The following SLC45A4 variants were observed in gnomAD, a reference collection of about 807,000 sequenced individuals.
SLC45A4 encodes polyamine-transporter SLC45A4.
In SLC45A4, 32 loss-of-function variants were observed where a neutral mutation model predicts 63.7. That is an observed-to-expected ratio of 0.50 (90% CI 0.38 to 0.67). The LOEUF (loss-of-function observed/expected upper bound fraction) is 0.67, where lower values mean the gene tolerates loss of function less well. SLC45A4 is among the 30% of genes least tolerant of loss of function. SLC45A4 has a pLI of 0.00. For missense variants in SLC45A4, 1,027 were observed against 1,157.7 expected (o/e 0.89, Z 1.64); for synonymous variants, 535 against 510.0 (o/e 1.05, Z -0.66).
At position 141,221,620 on chromosome 8, in the gene SLC45A4, G is replaced by A. The variant is rs750572232; in HGVS notation, c.387C>T (p.Gly129=). The change falls in exon 3 of 9, where the codon GGC becomes GGT. Residue 129 remains glycine, a synonymous_variant. Transcript: ENST00000517878. ...RRPFILALCV[G]VLFGVALFLN... ...GGAAAAGTGCAACGCCAAAGAGGAC[G>A]CCAACGCAGAGGGCGAGGATGAAGG... 2.7e-5 allele frequency: 44 copies of A among 1,613,802 alleles called. No individual in the cohort carries two copies. The East Asian group carries it at 5.1e-4, about 19-fold the overall frequency.
At chr8:141,274,185 C>T (rs933807456) in intron 1 of SLC45A4, among the ~76,000 whole-genome samples, 1 of 151,138 alleles carries the variant, frequency 6.6e-6, no homozygotes, top group African/African-American at 2.4e-5. Context: ...GCCGAGATCA[C>T]GCCACTGCGC....
At chr8:141,294,407 C>G (rs1830468826) in intron 1 of SLC45A4, among the ~76,000 whole-genome samples, 1 of 152,262 alleles carries the variant, frequency 6.6e-6, no homozygotes, top group African/African-American at 2.4e-5. Flanking sequence ...AGAGGCAGCC[C>G]TGACCCCAGC....
intron 3 of SLC45A4, 140 bp downstream of exon 3, chr8:141,221,437 G>T: frequency 9.2e-7 from 1 of 1,089,696 alleles, no homozygotes; most frequent in Non-Finnish European, 1.3e-6. Context: ...GTCACCGCCA[G>T]GGTGGCCCCG....
rs946795370 is a variant in SLC45A4 at position 141,267,900 on chromosome 8, T to C, written c.-400-13271A>G. ...GCAGCAACCACTTCGAAAGACGGTT[T>C]GCCCATTTTCACAAAACCAGACATA... On this transcript the variant is annotated intron_variant, in intron 1 of 8. Coordinates refer to ENST00000517878, the MANE Select transcript of SLC45A4 (RefSeq NM_001286646.2). 2.6e-5 allele frequency among the ~76,000 whole-genome samples: 4 copies of C among 152,342 alleles called. No homozygotes were observed. The East Asian group carries it at 7.7e-4, about 29-fold the overall frequency.
At chr8:141,273,412 G>T (rs1020219899) in intron 1 of SLC45A4, among the ~76,000 whole-genome samples, 3 of 152,198 alleles carry the variant, frequency 2.0e-5, no homozygotes, top group African/African-American at 4.8e-5. Context: ...TCAAGCGCCA[G>T]TATCAACCTG....
chr8:141,216,008 G>A (rs1383649179), intron 6 of SLC45A4, 38 bp from the exon 7 acceptor site: 2 of 1,585,188 alleles, frequency 1.3e-6, no homozygotes, highest in South Asian at 1.1e-5. Context: ...CAGTGGGCAG[G>A]CGGCTGGCTC....
intron 1 of SLC45A4, among the ~76,000 whole-genome samples, chr8:141,299,088 C>T (rs1589866416): frequency 6.6e-6 from 1 of 152,140 alleles, no homozygotes; most frequent in South Asian, 2.1e-4. Flanking sequence ...TGCTGTGACC[C>T]CTTCTCAGGC....
rs776589377 is a variant in SLC45A4 at position 141,254,703 on chromosome 8, A to AC, written c.-400-75dup. The AC allele has an allele frequency of 2.6e-5, 18 of 691,474 alleles. No individual in the cohort carries two copies. Among genetic ancestry groups the AC allele is most frequent in the South Asian group, 1.8e-4 (12 of 66,600 alleles). 42.8% of individuals were successfully genotyped at this position (691,474 alleles called of 1,614,324 possible). ...AGATGGCCCTGTGGACCGCCGCCCG[A>AC]CCCCCGAGCAAGCCGTGTGCCCCGA... On this transcript the variant is annotated intron_variant, in intron 1 of 8. Coordinates refer to ENST00000517878, the MANE Select transcript of SLC45A4 (RefSeq NM_001286646.2). The surrounding 1 kb of genome is among the most constrained non-coding windows in gnomAD (Gnocchi z 4.5).
At chr8:141,235,354 G>A (rs113455452) in intron 2 of SLC45A4, among the ~76,000 whole-genome samples, 3,463 of 152,306 alleles carry the variant, frequency 0.023, 74 homozygotes, top group East Asian at 0.1. Flanking sequence ...AGGGCACAGC[G>A]GGTGTGTCTG....
chr8:141,221,683 C>T lies in SLC45A4; in HGVS notation c.324G>A (p.Ala108=), dbSNP rs772627633. 17 of 1,613,982 alleles carry T rather than the reference C, an allele frequency of 1.1e-5. No homozygotes were observed. The highest frequency in any genetic ancestry group is 2.2e-5 in the South Asian group (2 of 91,092). The change falls in exon 3 of 9, where the codon GCG becomes GCA. Residue 108 remains alanine (A), a synonymous_variant. Coordinates refer to ENST00000517878, the MANE Select transcript of SLC45A4 (RefSeq NM_001286646.2). ...GLIFTPLIGS[A]SDRCTLSWGR... Reference sequence around the variant, plus strand: ...CCCAGCTCAGGGTGCACCGGTCACTCGCAGACCCAATGAGAGGTGTGAAGA... The same window carrying T: ...CCCAGCTCAGGGTGCACCGGTCACTTGCAGACCCAATGAGAGGTGTGAAGA...
chr8:141,228,637 G>A, intron 2 of SLC45A4: 11 of 1,066,886 alleles, frequency 1.0e-5, no homozygotes, highest in Non-Finnish European at 1.3e-5. Flanking sequence ...TCTTTGTGAT[G>A]ACACAGTGAT....
At chr8:141,246,618 T>A (rs1443102699) in intron 2 of SLC45A4, among the ~76,000 whole-genome samples, 1 of 15,524 alleles carries the variant, frequency 6.4e-5, no homozygotes, top group Non-Finnish European at 1.7e-4. Flanking sequence ...GGGAGGGCAT[T>A]GCACAAGGCC....
At chr8:141,264,680 T>C (rs1035770281) in intron 1 of SLC45A4, among the ~76,000 whole-genome samples, 4 of 152,334 alleles carry the variant, frequency 2.6e-5, no homozygotes, top group South Asian at 2.1e-4. Flanking sequence ...ACAGCGCTCC[T>C]GCACCTGTCC....
chr8:141,242,795 G>A (rs1436698859), intron 2 of SLC45A4, among the ~76,000 whole-genome samples: 1 of 152,104 alleles, frequency 6.6e-6, no homozygotes, highest in Non-Finnish European at 1.5e-5. Context: ...GAGGCCACAC[G>A]TTGGGGGAGC....
chr8:141,306,395 C>G (rs1328548378), intron 1 of SLC45A4, among the ~76,000 whole-genome samples: 1 of 152,262 alleles, frequency 6.6e-6, no homozygotes, highest in African/African-American at 2.4e-5. Flanking sequence ...TCTAGAAACA[C>G]ATGAGTTCTT....
chr8:141,284,637 T>C (rs1269978325), intron 1 of SLC45A4, among the ~76,000 whole-genome samples: 2 of 152,168 alleles, frequency 1.3e-5, no homozygotes, highest in East Asian at 3.9e-4. Flanking sequence ...AAAAGATCAC[T>C]AGATCCAAAA....
chr8:141,244,968 G>GC (rs58208412), intron 2 of SLC45A4, among the ~76,000 whole-genome samples: 3 of 71,928 alleles, frequency 4.2e-5, no homozygotes, highest in Middle Eastern at 8.2e-3. Context: ...GGGGGGGGGG[G>GC]GCGGTGTGGA....
rs750387306 is a variant in SLC45A4 at position 141,221,772 on chromosome 8, G to A, written c.242-7C>T. On this transcript the variant is annotated splice_polypyrimidine_tract_variant and splice_region_variant and intron_variant, in intron 2 of 8. Coordinates refer to ENST00000517878, the MANE Select transcript of SLC45A4 (RefSeq NM_001286646.2). Reference sequence around the variant, plus strand: ...TAGTACTGCTCCGGAAGGCCTGCAAGGGACACGAGGGCCGTCGCACACGCA... The same window carrying A: ...TAGTACTGCTCCGGAAGGCCTGCAAAGGACACGAGGGCCGTCGCACACGCA... 78 of 1,609,584 alleles carry A rather than the reference G, an allele frequency of 4.8e-5. No homozygotes were observed. Among genetic ancestry groups the A allele is most frequent in the South Asian group, 9.9e-5 (9 of 91,000 alleles).
At chr8:141,304,406 A>G (rs1469284524) in intron 1 of SLC45A4, among the ~76,000 whole-genome samples, 1 of 152,118 alleles carries the variant, frequency 6.6e-6, no homozygotes, top group East Asian at 1.9e-4. Context: ...TAAAAATACA[A>G]AAATTATCTG....
Sources: allele counts gnomAD v4.1 joint callset (sites outside exome capture counted in the v4.1 genomes callset), GRCh38; gene constraint gnomAD v4.1.1; non-coding constraint Gnocchi (gnomAD v3.1); transcripts MANE v1.5; gene names NCBI Gene and HGNC (gene_info 2026-07-23, HGNC 2026-07-21).